The following DCAF8 variants were observed in gnomAD, a reference collection of about 807,000 sequenced individuals.
DCAF8 encodes DDB1- and CUL4-associated factor 8.
Under a neutral mutation model 68.0 loss-of-function variants are expected in DCAF8, and 20 were observed. The observed-to-expected ratio is 0.29, with a 90% confidence interval of 0.21 to 0.43. The LOEUF is 0.43. DCAF8 is among the 20% of genes least tolerant of loss of function. The pLI is 1.00. For missense variants in DCAF8, 460 were observed against 771.0 expected (o/e 0.60, Z 4.78); for synonymous variants, 230 against 276.9 (o/e 0.83, Z 1.68).
At chr1:160,238,298 T>TA (rs893334984) in intron 5 of DCAF8, among the ~76,000 whole-genome samples, 1 of 152,094 alleles carries the variant, frequency 6.6e-6, no homozygotes. Context: ...CAAAATACCC[T>TA]AAAAAATCAC....
chr1:160,233,901 GT>G (rs1188821532), intron 6 of DCAF8, among the ~76,000 whole-genome samples: 1 of 152,088 alleles, frequency 6.6e-6, no homozygotes, highest in East Asian at 1.9e-4. Context: ...AGGAAAAAAT[GT>G]TCACATTAGA....
intron 7 of DCAF8, among the ~76,000 whole-genome samples, chr1:160,226,986 GAGA>G (rs1402253227): frequency 6.6e-6 from 1 of 152,204 alleles, no homozygotes; most frequent in Admixed American, 6.5e-5. Context: ...GGAAAATACA[GAGA>G]AGATTTTCCC....
intron 3 of DCAF8, 67 bp from the exon 4 acceptor site, chr1:160,240,437 G>A: frequency 6.9e-7 from 1 of 1,449,078 alleles, no homozygotes; most frequent in Non-Finnish European, 9.2e-7. Context: ...GACCACCTTA[G>A]TCTAAGAAAT....
Position 160,230,884 on chromosome 1 carries a change from T to C in DCAF8, c.1070+413A>G, listed in dbSNP as rs574536418. ...CTCCTGCCTCAGCCTCTTGAGCAGC[T>C]GGGACTACACGCATGTACCACCATG... On this transcript the variant is annotated intron_variant, in intron 7 of 13. Transcript: ENST00000368074. Among the ~76,000 whole-genome samples the C allele has an allele frequency of 3.5e-3, 536 of 152,194 alleles. 1 individual carries two copies. Among genetic ancestry groups the C allele is most frequent in the African/African-American group, 0.012 (519 of 41,532 alleles).
intron 2 of DCAF8, among the ~76,000 whole-genome samples, chr1:160,248,744 G>A (rs145599821): frequency 2.0e-5 from 3 of 151,218 alleles, no homozygotes; most frequent in East Asian, 2.0e-4. Context: ...AATAATTATC[G>A]CGAGCTGGAT....
At chr1:160,238,580 C>A (rs1571095946) in intron 5 of DCAF8, 27 bp downstream of exon 5, 1 of 1,572,754 alleles carries the variant, frequency 6.4e-7, no homozygotes, top group Non-Finnish European at 8.6e-7. Context: ...TTGGATTGCA[C>A]AAATTTTGGA....
At chr1:160,223,673 G>A (rs992200792) in intron 10 of DCAF8, among the ~76,000 whole-genome samples, 7 of 152,136 alleles carry the variant, frequency 4.6e-5, no homozygotes, top group Non-Finnish European at 8.8e-5. Flanking sequence ...CGAGGCAGGC[G>A]GATCACTTGA....
intron 10 of DCAF8, 120 bp from the exon 11 acceptor site, chr1:160,222,901 C>T (rs1289066831): frequency 2.4e-5 from 33 of 1,392,912 alleles, no homozygotes; most frequent in Non-Finnish European, 3.0e-5. Flanking sequence ...GCATGTTTAA[C>T]AGATAGTTAT....
At chr1:160,262,240 G>A (rs904090783) in intron 1 of DCAF8, 122 of 397,386 alleles carry the variant, frequency 3.1e-4, no homozygotes, top group Admixed American at 6.2e-4. Context: ...TGGGAAGCGA[G>A]GGGGGGCGCA....
chr1:160,224,464 C>T lies in DCAF8; in HGVS notation c.1287G>A (p.Lys429=), dbSNP rs1272597910. Residue 429 remains lysine (K), a synonymous_variant, in exon 10 of 14, where the codon AAG becomes AAA. Transcript: ENST00000368074. The stretch of plus-strand genomic sequence containing the variant: ...CACCTGTGGCATTATTTCTGTGGCC[C>T]TTGTATCTCTTAACATACTGGGCCC... ...SDGAQYVKRY[K]GHRNNATVKG... The T allele has an allele frequency of 1.9e-6, 3 of 1,613,846 alleles. No individual in the cohort carries two copies. The Admixed American group carries it at 5.0e-5, about 27-fold the overall frequency.
At position 160,238,897 on chromosome 1, in the gene DCAF8, G is replaced by A. The variant is rs959313627; in HGVS notation, c.724-150C>T. 3 of 923,918 alleles carry A rather than the reference G, an allele frequency of 3.2e-6. No individual in the cohort carries two copies. In the African/African-American group the frequency reaches 5.2e-5, roughly 16 times the overall value. The allele number at this position is 923,918 out of a possible 1,614,324, so 57.2% of individuals were successfully genotyped here. A position where few individuals can be genotyped will look rare whatever the true frequency, so the allele number is the denominator to read the frequency against. On this transcript the variant is annotated intron_variant, in intron 4 of 13. Coordinates refer to ENST00000368074, the MANE Select transcript of DCAF8 (RefSeq NM_015726.4). ...TTCCTACTCTTGTACAGCTGGCTAAGCCCAATTTCTTCCAGGAGTTAAAGG... is the reference window on the plus strand; with the variant it reads ...TTCCTACTCTTGTACAGCTGGCTAAACCCAATTTCTTCCAGGAGTTAAAGG...
rs529319362 is a variant in DCAF8, at chr1:160,262,449, A to G, written c.-101T>C. ...ACCACCAACGCCGCCGCCATCTTAC[A>G]CTGGCCAGCGGCCGCCACCACCACC... On this transcript the variant is annotated splice_region_variant and 5_prime_UTR_variant, in exon 1 of 14. Transcript: ENST00000368074. 1.0e-5 allele frequency: 4 copies of G among 401,328 alleles called. No homozygotes were observed. Among genetic ancestry groups the G allele is most frequent in the African/African-American group, 2.1e-5 (1 of 48,754 alleles). 24.9% of individuals were successfully genotyped at this position (401,328 alleles called of 1,614,324 possible).
chr1:160,262,071 C>T, intron 1 of DCAF8: 1 of 348,152 alleles, frequency 2.9e-6, no homozygotes, highest in Non-Finnish European at 5.1e-6. Context: ...GCAAGGCGTC[C>T]CTGTGAACTG....
At chr1:160,225,160 C>G in intron 8 of DCAF8, 41 bp from the exon 9 acceptor site, 1 of 1,591,812 alleles carries the variant, frequency 6.3e-7, no homozygotes, top group Non-Finnish European at 8.6e-7. Flanking sequence ...CCCACCCCCC[C>G]ATTTGTTATA....
chr1:160,230,146 CA>C (rs1466105769), intron 7 of DCAF8, among the ~76,000 whole-genome samples: 8 of 152,122 alleles, frequency 5.3e-5, no homozygotes, highest in Non-Finnish European at 1.0e-4. Context: ...TTGAACAAGG[CA>C]AAGTCATCTC....
At chr1:160,249,424 GA>G (rs909131790) in intron 2 of DCAF8, among the ~76,000 whole-genome samples, 18 of 152,032 alleles carry the variant, frequency 1.2e-4, no homozygotes, top group Non-Finnish European at 2.5e-4. Flanking sequence ...CAGTTACTTT[GA>G]AAAAAGCAAT....
chr1:160,240,012 T>C lies in DCAF8; in HGVS notation c.408A>G (p.Leu136=). ...DQDSSDDERA[L]EDWVSSETSA... is the part of the protein sequence containing the mutation. ...ATGTTTCTGAGGACACCCAGTCCTC[T>C]AGGGCCCGCTCATCATCTGATGAGT... The change falls in exon 4 of 14, where the codon CTA becomes CTG. Residue 136 remains leucine, a synonymous_variant. Transcript: ENST00000368074. 6.2e-7 allele frequency: 1 copy of C among 1,614,254 alleles called. No individual in the cohort carries two copies. The highest frequency in any genetic ancestry group is 2.2e-5 in the East Asian group (1 of 44,886).
intron 4 of DCAF8, chr1:160,238,995 G>T: frequency 1.8e-6 from 1 of 541,766 alleles, no homozygotes. Flanking sequence ...ACTGGCACAT[G>T]ATAAGAGCTC....
chr1:160,217,825 G>C, intron 13 of DCAF8, 117 bp from the exon 14 acceptor site: 1 of 733,456 alleles, frequency 1.4e-6, no homozygotes, highest in Admixed American at 2.2e-5. Context: ...TTTCTTAAAG[G>C]GCCAGAGAGT....
Sources: allele counts gnomAD v4.1 joint callset (sites outside exome capture counted in the v4.1 genomes callset), GRCh38; gene constraint gnomAD v4.1.1; transcripts MANE v1.5; gene names NCBI Gene and HGNC (gene_info 2026-07-23, HGNC 2026-07-21).